ATP2B3: variants seen among roughly 807,000 people sequenced by gnomAD.
ATP2B3 encodes the protein ATPase plasma membrane Ca2+ transporting 3, also known as plasma membrane calcium-transporting ATPase 3.
A neutral mutation model predicts 70.8 loss-of-function variants in ATP2B3; 12 were observed. The observed-to-expected ratio is 0.17, with a 90% CI of 0.11 to 0.27. The LOEUF (loss-of-function observed/expected upper bound fraction) is 0.27. Among genes scored for constraint, ATP2B3 ranks in the 10% least tolerant of loss-of-function variants. ATP2B3 has a pLI of 1.00. For synonymous variants in ATP2B3, 460 were observed against 497.8 expected (o/e 0.92, Z 1.01); for missense variants, 858 against 1,118.5 (o/e 0.77, Z 3.32).
At chrX:153,555,570 TC>T (rs781885179) in intron 13 of ATP2B3, among the ~76,000 whole-genome samples, 61 of 111,646 alleles carry the variant, frequency 5.5e-4, no homozygotes, top group African/African-American at 1.9e-3. Context: ...GGAACTGTCT[TC>T]CCTGTCCCCC....
chrX:153,579,670 C>T (rs942937959), intron 21 of ATP2B3, among the ~76,000 whole-genome samples: 9 of 111,879 alleles, frequency 8.0e-5, no homozygotes, highest in African/African-American at 2.9e-4. Flanking sequence ...CCCAGCTCAG[C>T]CTAGAGAAAG....
At chrX:153,534,036 C>T (rs1407092565) in intron 2 of ATP2B3, among the ~76,000 whole-genome samples, 3 of 112,150 alleles carry the variant, frequency 2.7e-5, no homozygotes, top group African/African-American at 9.7e-5. Flanking sequence ...CCACACAAGC[C>T]ATTCACTCTG....
chrX:153,536,597 G>C, intron 3 of ATP2B3, 142 bp downstream of exon 3: 1 of 651,758 alleles, frequency 1.5e-6, no homozygotes, highest in East Asian at 3.5e-5. Flanking sequence ...TTGAGGGGGA[G>C]ATGCCCTGGG....
chrX:153,557,888 C>CA (rs2090564371), intron 16 of ATP2B3, among the ~76,000 whole-genome samples: 1 of 107,683 alleles, frequency 9.3e-6, no homozygotes, highest in African/African-American at 3.4e-5. Context: ...CAAAGCCCCC[C>CA]CCCCCACCGT....
In ATP2B3 at chrX:153,542,407, A is replaced by C. The variant is rs369434258; in HGVS notation, c.749A>C (p.His250Pro). Residue 250 changes from histidine to proline, a missense_variant, in exon 6 of 22, where the codon CAC becomes CCC. This residue lies in a region of ATP2B3 where 278 missense variants were observed against 366.2 expected (regional missense o/e 0.76). Transcript: ENST00000263519. ...AGCTCCCTGACGGGCGAGTCTGACC[A>C]CGTGCGCAAGTCAGCTGACAAAGAT... ...DESSLTGESD[H>P]VRKSADKDPM... The C allele has an allele frequency of 2.5e-6, 3 of 1,210,401 alleles. No homozygotes were observed. The highest frequency in any genetic ancestry group is 3.4e-6 in the Non-Finnish European group (3 of 895,284).
At chrX:153,538,531 C>A (rs1185934255) in intron 3 of ATP2B3, among the ~76,000 whole-genome samples, 1 of 113,093 alleles carries the variant, frequency 8.8e-6, no homozygotes, top group African/African-American at 3.2e-5. Flanking sequence ...CGCCCGGGAA[C>A]CTGGCCCCGC....
intron 12 of ATP2B3, 31 bp downstream of exon 12, chrX:153,550,317 C>T (rs375643239): frequency 2.2e-5 from 27 of 1,205,831 alleles, no homozygotes; most frequent in South Asian, 7.1e-5. Context: ...TGCCGGGGTA[C>T]GCACGGAGTT....
chrX:153,566,344 C>T (rs993901387), intron 21 of ATP2B3, among the ~76,000 whole-genome samples: 6 of 113,017 alleles, frequency 5.3e-5, no homozygotes, highest in East Asian at 2.8e-4. Flanking sequence ...AGCCAGGGCC[C>T]GCCTGAGCCA....
intron 1 of ATP2B3, 63 bp downstream of exon 1, chrX:153,517,938 GGC>G (rs1445902092): frequency 9.2e-5 from 10 of 109,289 alleles, no homozygotes; most frequent in Admixed American, 3.8e-4. Context: ...GCGGGCACAA[GGC>G]GCGGGTGGGG....
intron 21 of ATP2B3, chrX:153,569,544 C>A (rs1056831778): frequency 1.2e-5 from 14 of 1,179,111 alleles, no homozygotes; most frequent in African/African-American, 5.3e-5. Context: ...CAGCCCTCCC[C>A]TCCGTGATAG....
At position 153,548,860 on chromosome X, in the gene ATP2B3, C is replaced by T; in HGVS notation, c.1338+6C>T. The T allele has an allele frequency of 8.3e-7, 1 of 1,205,271 alleles. No individual in the cohort carries two copies. The highest frequency in any genetic ancestry group is 1.8e-5 in the South Asian group (1 of 56,676). On this transcript the variant is annotated splice_donor_region_variant and intron_variant, in intron 10 of 21. Coordinates refer to ENST00000263519, the MANE Select transcript of ATP2B3 (RefSeq NM_001001344.3). ...CCTTAGCTTACTCTGTCAAGGTAATCATAAAACTTACAGTTGATACTGTTT... is the reference window on the plus strand; with the variant it reads ...CCTTAGCTTACTCTGTCAAGGTAATTATAAAACTTACAGTTGATACTGTTT...
chrX:153,562,831 T>G (rs1557016850), intron 20 of ATP2B3, among the ~76,000 whole-genome samples: 1 of 112,375 alleles, frequency 8.9e-6, no homozygotes, highest in Non-Finnish European at 1.9e-5. Flanking sequence ...AGACACTTAC[T>G]TTCTCGAAGT....
chrX:153,555,938 A>G (rs2090527587), intron 13 of ATP2B3, 111 bp from the exon 14 acceptor site: 14 of 898,347 alleles, frequency 1.6e-5, no homozygotes, highest in Non-Finnish European at 2.2e-5. Flanking sequence ...CTTTACTCTC[A>G]CCTCTGCTGG....
At chrX:153,531,363 GGGT>G (rs1416179079) in intron 2 of ATP2B3, among the ~76,000 whole-genome samples, 1 of 113,291 alleles carries the variant, frequency 8.8e-6, no homozygotes, top group African/African-American at 3.2e-5. Flanking sequence ...TTTCCTCTCT[GGGT>G]TCTGCCGGGC....
chrX:153,519,392 A>G (rs2089923180), intron 2 of ATP2B3, among the ~76,000 whole-genome samples: 1 of 111,957 alleles, frequency 8.9e-6, no homozygotes, highest in African/African-American at 3.3e-5. Flanking sequence ...ATCAAAGACC[A>G]GCCCCACTTC....
intron 13 of ATP2B3, 68 bp downstream of exon 13, chrX:153,553,337 T>C: frequency 3.0e-6 from 3 of 997,290 alleles, no homozygotes. Context: ...TCCGGACTGG[T>C]AGGGGCGGCC....
At chrX:153,543,942 G>T (rs2090325839) in intron 7 of ATP2B3, among the ~76,000 whole-genome samples, 1 of 110,943 alleles carries the variant, frequency 9.0e-6, no homozygotes, top group African/African-American at 3.3e-5. Context: ...TGCGCGGGGT[G>T]TGGGGGCGTG....
chrX:153,558,053 G>A (rs1273904382), intron 16 of ATP2B3, 59 bp from the exon 17 acceptor site: 8 of 1,118,858 alleles, frequency 7.2e-6, no homozygotes, highest in African/African-American at 1.8e-5. Flanking sequence ...GTGATCAAGG[G>A]GGGCTGGGGA....
intron 8 of ATP2B3, among the ~76,000 whole-genome samples, chrX:153,546,664 G>T (rs1025191172): frequency 1.8e-5 from 2 of 113,590 alleles, no homozygotes; most frequent in Non-Finnish European, 3.7e-5. Context: ...AGGAGAAGGG[G>T]TGGGAGGAGC....
Sources: gnomAD v4.1 joint callset for allele counts (sites outside exome capture counted in the v4.1 genomes callset) on GRCh38, gnomAD v4.1.1 for gene constraint, gnomAD v4.1.1 regional missense constraint, MANE v1.5 for transcripts, NCBI Gene and HGNC (gene_info 2026-07-23, HGNC 2026-07-21) for gene names.